ZBTB7C: variants seen among roughly 807,000 people sequenced by gnomAD.
The protein encoded by ZBTB7C is zinc finger and BTB domain containing 7C.
Under a neutral mutation model 25.7 loss-of-function variants are expected in ZBTB7C, and 8 were observed. The observed-to-expected ratio is 0.31, with a 90% CI of 0.18 to 0.56. The LOEUF is 0.56. Ranked by LOEUF, ZBTB7C falls within the 20% of genes least tolerant of loss-of-function variation. The pLI is 0.91. For synonymous variants in ZBTB7C, 394 were observed against 369.0 expected, an observed-to-expected ratio of 1.07 and a Z score of -0.78; for missense variants, 824 against 855.2, an observed-to-expected ratio of 0.96 and a Z score of 0.46.
At chr18:48,067,223 G>T (rs2037365193) in intron 3 of ZBTB7C, among the ~76,000 whole-genome samples, 1 of 152,200 alleles carries the variant, frequency 6.6e-6, no homozygotes. Flanking sequence ...TCCTCTGTAA[G>T]TGAAGGAGCT....
chr18:48,360,309 G>A (rs73957644), intron 1 of ZBTB7C, among the ~76,000 whole-genome samples: 4,751 of 152,310 alleles, frequency 0.031, 165 homozygotes, highest in African/African-American at 0.085. Context: ...AGGAGTTAGA[G>A]GAGACTCCTG....
intron 3 of ZBTB7C, among the ~76,000 whole-genome samples, chr18:48,166,633 A>G (rs2144990622): frequency 1.3e-5 from 2 of 152,316 alleles, no homozygotes; most frequent in Middle Eastern, 6.8e-3. Context: ...GACAGGACCA[A>G]TGAAGCAGCA....
At chr18:48,128,150 C>T (rs2039867110) in intron 3 of ZBTB7C, among the ~76,000 whole-genome samples, 1 of 152,236 alleles carries the variant, frequency 6.6e-6, no homozygotes, top group Non-Finnish European at 1.5e-5. Context: ...TCAGCTTGAC[C>T]TTTGGGAAGC....
intron 1 of ZBTB7C, among the ~76,000 whole-genome samples, chr18:48,384,331 G>A (rs538836927): frequency 6.6e-6 from 1 of 152,344 alleles, no homozygotes; most frequent in South Asian, 2.1e-4. Context: ...ATACCTAGGA[G>A]CCAGACTGCT....
intron 3 of ZBTB7C, chr18:48,148,884 T>C (rs1216606708): frequency 6.6e-6 from 1 of 152,254 alleles, no homozygotes; most frequent in African/African-American, 2.4e-5. Flanking sequence ...TTACCTTTGA[T>C]CCAAAAGAGG....
At chr18:48,222,877 A>G (rs2042996492) in intron 2 of ZBTB7C, among the ~76,000 whole-genome samples, 1 of 152,182 alleles carries the variant, frequency 6.6e-6, no homozygotes, top group South Asian at 2.1e-4. Context: ...AAGTCCAAGG[A>G]AGCAGCATGA....
At chr18:48,248,023 T>C (rs2043745463) in intron 2 of ZBTB7C, among the ~76,000 whole-genome samples, 1 of 152,156 alleles carries the variant, frequency 6.6e-6, no homozygotes. Context: ...CAAAATCTAA[T>C]GGTTTTATAA....
chr18:48,146,456 T>C (rs1451510247), intron 3 of ZBTB7C, among the ~76,000 whole-genome samples: 2 of 152,190 alleles, frequency 1.3e-5, no homozygotes, highest in Non-Finnish European at 1.5e-5. Flanking sequence ...TATGTTTGGG[T>C]ATGTTAATAA....
intron 2 of ZBTB7C, chr18:48,252,198 A>G (rs1193587510): frequency 6.6e-6 from 1 of 152,222 alleles, no homozygotes; most frequent in Non-Finnish European, 1.5e-5. Context: ...GTTACAAAGC[A>G]CTACTGGCTT....
chr18:48,160,083 C>A (rs1174280890), intron 3 of ZBTB7C, among the ~76,000 whole-genome samples: 1 of 152,190 alleles, frequency 6.6e-6, no homozygotes, highest in Non-Finnish European at 1.5e-5. Context: ...TCGGACCCAC[C>A]TCCAGACCCA....
At chr18:48,328,527 T>A (rs2046275844) in intron 2 of ZBTB7C, among the ~76,000 whole-genome samples, 1 of 152,214 alleles carries the variant, frequency 6.6e-6, no homozygotes, top group Admixed American at 6.5e-5. Context: ...TATACCTGGT[T>A]GGGCTGGCCC....
At chr18:48,324,901 G>A (rs553455478) in intron 2 of ZBTB7C, among the ~76,000 whole-genome samples, 1 of 152,154 alleles carries the variant, frequency 6.6e-6, no homozygotes, top group African/African-American at 2.4e-5. Flanking sequence ...AGAGTCCAGA[G>A]GCATTAACAC....
chr18:48,391,231 G>A (rs987755206), intron 1 of ZBTB7C, among the ~76,000 whole-genome samples: 4 of 152,156 alleles, frequency 2.6e-5, no homozygotes, highest in African/African-American at 9.7e-5. Context: ...TCCTCTCCAC[G>A]GGCCCCGGCA....
chr18:48,342,207 T>C (rs1262039420), intron 1 of ZBTB7C, among the ~76,000 whole-genome samples: 2 of 152,150 alleles, frequency 1.3e-5, no homozygotes, highest in African/African-American at 4.8e-5. Flanking sequence ...CATAAAGGGA[T>C]TGTGTTTATA....
At chr18:48,213,551 G>A (rs151211614) in intron 2 of ZBTB7C, among the ~76,000 whole-genome samples, 189 of 152,254 alleles carry the variant, frequency 1.2e-3, no homozygotes, top group African/African-American at 4.2e-3. Context: ...AGAATACCTC[G>A]CCTTTGTTGG....
chr18:48,056,783 A>G (rs2036929768), intron 3 of ZBTB7C, among the ~76,000 whole-genome samples: 1 of 152,186 alleles, frequency 6.6e-6, no homozygotes, highest in Admixed American at 6.5e-5. Flanking sequence ...AAAAAAAGTA[A>G]ATAAAATATT....
chr18:48,287,414 T>C (rs1208101728), intron 2 of ZBTB7C, among the ~76,000 whole-genome samples: 9 of 152,218 alleles, frequency 5.9e-5, no homozygotes, highest in Non-Finnish European at 1.0e-4. Flanking sequence ...TTAAATACAC[T>C]GAATCAGTAA....
chr18:48,136,461 G>C (rs2040165108), intron 3 of ZBTB7C, among the ~76,000 whole-genome samples: 1 of 152,168 alleles, frequency 6.6e-6, no homozygotes, highest in Non-Finnish European at 1.5e-5. Context: ...TTTAATTTCT[G>C]CCCGTATCGC....
intron 2 of ZBTB7C, among the ~76,000 whole-genome samples, chr18:48,257,942 G>T (rs751020616): frequency 2.0e-5 from 3 of 152,134 alleles, no homozygotes; most frequent in Non-Finnish European, 2.9e-5. Context: ...GCTGAGGCAG[G>T]AGGATCACCT....
Sources: gnomAD v4.1 joint callset for allele counts (sites outside exome capture counted in the v4.1 genomes callset) on GRCh38, gnomAD v4.1.1 for gene constraint, MANE v1.5 for transcripts, NCBI Gene and HGNC (gene_info 2026-07-23, HGNC 2026-07-21) for gene names.